The following CLEC4A variants were observed in gnomAD, a reference collection of about 807,000 sequenced individuals.
The protein encoded by CLEC4A is C-type lectin domain family 4 member A, also known as C-type (calcium dependent, carbohydrate-recognition domain) lectin, superfamily member 6.
Under a neutral mutation model 32.7 loss-of-function variants are expected in CLEC4A, and 27 were observed. The observed-to-expected ratio is 0.83, with a 90% CI of 0.61 to 1.14. The LOEUF is 1.14. CLEC4A is among the 50% of genes most tolerant of loss of function. The pLI is 0.00. For missense variants in CLEC4A, 253 were observed against 274.6 expected (o/e 0.92, Z 0.55); for synonymous variants, 89 against 93.7 (o/e 0.95, Z 0.29).
At chr12:8,114,250 C>A in the CLEC4A span, among the ~76,000 whole-genome samples, 1 of 149,964 alleles carries the variant, frequency 6.7e-6, no homozygotes, top group African/African-American at 2.4e-5. Flanking sequence ...TCCTTTATTT[C>A]TTTTTTTTTT....
chr12:8,107,390 A>C, the CLEC4A span, among the ~76,000 whole-genome samples: 2 of 152,184 alleles, frequency 1.3e-5, no homozygotes, highest in African/African-American at 4.8e-5. Flanking sequence ...GCTTCAGAGA[A>C]TCAGTTAGCG....
chr12:8,126,486 C>T, intron 2 of CLEC4A, among the ~76,000 whole-genome samples: 1 of 151,124 alleles, frequency 6.6e-6, no homozygotes, highest in East Asian at 1.9e-4. Context: ...TCCTAACGTG[C>T]TGGGATTACA....
chr12:8,120,317 C>A (rs1187707608), upstream of CLEC4A, among the ~76,000 whole-genome samples: 1 of 152,166 alleles, frequency 6.6e-6, no homozygotes, highest in Non-Finnish European at 1.5e-5. Context: ...CCCTGAATCA[C>A]CTTCTTAGCA....
chr12:8,130,926 C>A (rs112441253), intron 3 of CLEC4A, among the ~76,000 whole-genome samples: 5 of 152,254 alleles, frequency 3.3e-5, no homozygotes, highest in African/African-American at 1.2e-4. Flanking sequence ...ATCCAGAACA[C>A]CACGTTACAT....
At chr12:8,129,784 G>A (rs186424589) in intron 3 of CLEC4A, among the ~76,000 whole-genome samples, 102 of 152,200 alleles carry the variant, frequency 6.7e-4, no homozygotes, top group Middle Eastern at 3.4e-3. Flanking sequence ...GCAAGATTCC[G>A]CCTCAAAAAA....
At chr12:8,134,987 T>C (rs1414728021) in intron 3 of CLEC4A, 2 of 225,286 alleles carry the variant, frequency 8.9e-6, no homozygotes, top group Non-Finnish European at 1.4e-5. Context: ...TTGTTTTTTG[T>C]TTTTTTTTAA....
At chr12:8,135,150 T>A (rs189953023) in intron 3 of CLEC4A, among the ~76,000 whole-genome samples, 75 of 139,618 alleles carry the variant, frequency 5.4e-4, no homozygotes, top group African/African-American at 1.8e-3. Context: ...CCTCCCAAAG[T>A]GCTGGGATTA....
At chr12:8,129,136 C>A in intron 2 of CLEC4A, 128 bp from the exon 3 acceptor site, 1 of 604,092 alleles carries the variant, frequency 1.7e-6, no homozygotes, top group East Asian at 2.9e-5. Flanking sequence ...TATGGGAAAT[C>A]TTTTCCCTCT....
chr12:8,107,596 G>A, the CLEC4A span, among the ~76,000 whole-genome samples: 2 of 152,080 alleles, frequency 1.3e-5, no homozygotes, highest in South Asian at 4.1e-4. Flanking sequence ...TTCTTCCTGG[G>A]TCAATCTTGG....
the CLEC4A span, among the ~76,000 whole-genome samples, chr12:8,105,817 TA>T: frequency 2.0e-5 from 3 of 152,246 alleles, no homozygotes; most frequent in African/African-American, 7.2e-5. Context: ...TTTACAAATA[TA>T]TTCTCCCATT....
upstream of CLEC4A, chr12:8,121,236 T>C (rs146571497): frequency 2.0e-4 from 30 of 152,372 alleles, no homozygotes; most frequent in African/African-American, 7.0e-4. Flanking sequence ...ATGGTTTGCT[T>C]TCTAATTATG....
the CLEC4A span, among the ~76,000 whole-genome samples, chr12:8,118,006 G>A: frequency 4.6e-5 from 7 of 151,932 alleles, no homozygotes; most frequent in Non-Finnish European, 8.8e-5. Flanking sequence ...TTTTTCCAAA[G>A]AAGGTTTTGA....
At chr12:8,119,078 A>G (rs1209888840), upstream of CLEC4A, among the ~76,000 whole-genome samples, 1 of 152,236 alleles carries the variant, frequency 6.6e-6, no homozygotes, top group Non-Finnish European at 1.5e-5. Context: ...TTTGTTGTTA[A>G]CAACACTAAT....
chr12:8,136,783 CT>C lies in CLEC4A; in HGVS notation c.451-4del. ...AGGCTGTGACTCCTTCTTTTCCCCCCTCAGGATTTCATCTTCCAGAATCTGC... is the reference window on the plus strand; with the variant it reads ...AGGCTGTGACTCCTTCTTTTCCCCCCCAGGATTTCATCTTCCAGAATCTGC... On this transcript the variant is annotated splice_region_variant and splice_polypyrimidine_tract_variant and intron_variant, in intron 4 of 5. Coordinates refer to ENST00000229332, the MANE Select transcript of CLEC4A (RefSeq NM_016184.4). 6.3e-7 allele frequency: 1 copy of C among 1,589,080 alleles called. No individual in the cohort carries two copies. Among genetic ancestry groups the C allele is most frequent in the Non-Finnish European group, 8.6e-7 (1 of 1,157,452 alleles).
chr12:8,137,765 A>G (rs907626598), intron 5 of CLEC4A, among the ~76,000 whole-genome samples: 3 of 152,148 alleles, frequency 2.0e-5, no homozygotes, highest in Non-Finnish European at 2.9e-5. Flanking sequence ...ACAGTGCATT[A>G]AAAAAAGGAA....
At chr12:8,136,339 C>T (rs1474324944) in intron 4 of CLEC4A, among the ~76,000 whole-genome samples, 7 of 152,106 alleles carry the variant, frequency 4.6e-5, no homozygotes, top group African/African-American at 2.4e-5. Context: ...CCAAGGCGGG[C>T]GGATCACTTG....
At chr12:8,127,841 TTAAG>T (rs894650515) in intron 2 of CLEC4A, among the ~76,000 whole-genome samples, 1 of 152,188 alleles carries the variant, frequency 6.6e-6, no homozygotes, top group Non-Finnish European at 1.5e-5. Context: ...TCAGAAATCA[TTAAG>T]TTTTTCAAAG....
At position 8,135,522 on chromosome 12, in the gene CLEC4A, A is replaced by G. The variant is rs1948097795; in HGVS notation, c.299-63A>G. On this transcript the variant is annotated intron_variant, in intron 3 of 5. Transcript: ENST00000229332. ...CTCTCTCTTGGCTCTTAATTTTAAT[A>G]ATACACACACTTTTAAGAGTGATTA... 3.9e-6 allele frequency: 6 copies of G among 1,536,828 alleles called. No individual in the cohort carries two copies. In the Admixed American group the frequency reaches 8.8e-5, roughly 23 times the overall value.
At chr12:8,134,419 C>G (rs1221825650) in intron 3 of CLEC4A, 2 of 1,613,936 alleles carry the variant, frequency 1.2e-6, no homozygotes, top group Non-Finnish European at 1.7e-6. Context: ...TGCTCGAGTT[C>G]TTTCTGCAGA....
Sources: allele counts gnomAD v4.1 joint callset (sites outside exome capture counted in the v4.1 genomes callset), GRCh38; gene constraint gnomAD v4.1.1; transcripts MANE v1.5; gene names NCBI Gene and HGNC (gene_info 2026-07-23, HGNC 2026-07-21).